The following CCKAR variants were observed in gnomAD, a reference collection of about 807,000 sequenced individuals.
CCKAR encodes cholecystokinin receptor type A.
A neutral mutation model predicts 29.8 loss-of-function variants in CCKAR; 21 were observed. That is an observed-to-expected ratio of 0.70 (90% confidence interval 0.50 to 1.01). The LOEUF is 1.01. Among genes scored for constraint, CCKAR ranks in the 50% least tolerant of loss-of-function variants. CCKAR has a pLI of 0.00. For missense variants in CCKAR, 570 were observed against 560.6 expected, an observed-to-expected ratio of 1.02 and a Z score of -0.17; for synonymous variants, 238 against 221.3, an observed-to-expected ratio of 1.08 and a Z score of -0.67.
intron 3 of CCKAR, among the ~76,000 whole-genome samples, chr4:26,485,206 A>G (rs1737425658): frequency 2.6e-5 from 4 of 151,568 alleles, no homozygotes; most frequent in Admixed American, 6.6e-5. Context: ...AAAAAAAAAA[A>G]AAAGAAAGAA....
intron 2 of CCKAR, among the ~76,000 whole-genome samples, chr4:26,487,830 A>G (rs760098075): frequency 1.1e-4 from 17 of 152,102 alleles, no homozygotes; most frequent in Non-Finnish European, 1.9e-4. Context: ...ACCATAAGAT[A>G]TATATGGATG....
chr4:26,482,207 G>A, intron 4 of CCKAR, 37 bp from the exon 5 acceptor site: 1 of 1,569,834 alleles, frequency 6.4e-7, no homozygotes, highest in Non-Finnish European at 8.7e-7. Context: ...TGCTGGGGAT[G>A]GGTCATGCCC....
At chr4:26,486,651 T>C (rs779251347) in intron 2 of CCKAR, among the ~76,000 whole-genome samples, 2 of 152,222 alleles carry the variant, frequency 1.3e-5, no homozygotes, top group Non-Finnish European at 2.9e-5. Context: ...CAGTGGCTGA[T>C]GCCTGTAATA....
intron 4 of CCKAR, 115 bp downstream of exon 4, chr4:26,483,041 A>C: frequency 9.8e-7 from 1 of 1,016,970 alleles, no homozygotes; most frequent in Non-Finnish European, 1.4e-6. Context: ...TCTCATAAGA[A>C]TACTTAAAAG....
chr4:26,486,367 A>C (rs2000978), intron 2 of CCKAR, among the ~76,000 whole-genome samples: 1 of 152,188 alleles, frequency 6.6e-6, no homozygotes, highest in Non-Finnish European at 1.5e-5. Flanking sequence ...AGCCGGAGGC[A>C]TGAAGGTTTT....
chr4:26,488,187 G>T (rs1040459467), intron 2 of CCKAR, among the ~76,000 whole-genome samples: 1 of 152,006 alleles, frequency 6.6e-6, no homozygotes, highest in African/African-American at 2.4e-5. Flanking sequence ...TCTCAGAAAG[G>T]GCAAGGGACT....
Position 26,485,658 on chromosome 4 carries a change from T to C in CCKAR, c.605A>G (p.Asn202Ser). The C allele has an allele frequency of 6.2e-7, 1 of 1,614,136 alleles. No homozygotes were observed. The highest frequency in any genetic ancestry group is 1.7e-5 in the Admixed American group (1 of 60,018). ...TTACCAGGACTGCTGCATAACATCA[T>C]TTGGCAGTAGAAAGCGGCACATATT... ...TANMCRFLLP[N>S]DVMQQSWHTF... The change falls in exon 3 of 5, where the codon AAT becomes AGT. Residue 202 changes from asparagine (N) to serine (S), a missense_variant. Coordinates refer to ENST00000295589, the MANE Select transcript of CCKAR (RefSeq NM_000730.3).
Position 26,481,989 on chromosome 4 carries a change from G to A in CCKAR, c.936C>T (p.Ile312=), listed in dbSNP as rs756448534. ...GGACCACGATGACGATGAGCATGCG[G>A]ATCACCCTTTTCTTGGCCATCAGGT... is the stretch of plus-strand genomic sequence containing the variant. The part of the protein sequence containing the change: ...AANLMAKKRV[I]RMLIVIVVLF... The change falls in exon 5 of 5, where the codon ATC becomes ATT. Residue 312 remains isoleucine, a synonymous_variant. Transcript: ENST00000295589. 2 of 1,614,242 alleles carry A rather than the reference G, an allele frequency of 1.2e-6. No homozygotes were observed.
intron 3 of CCKAR, 122 bp from the exon 4 acceptor site, chr4:26,483,405 T>A: frequency 1.2e-6 from 1 of 844,546 alleles, no homozygotes; most frequent in Non-Finnish European, 1.8e-6. Context: ...ATTACTAGTA[T>A]TTAATATCCT....
Position 26,481,988 on chromosome 4 carries a change from G to A in CCKAR, c.937C>T (p.Arg313Cys), listed in dbSNP as rs1737357981. Residue 313 changes from arginine to cysteine, a missense_variant, in exon 5 of 5, where the codon CGC becomes TGC. Transcript: ENST00000295589. Reference protein sequence around the residue: ...ANLMAKKRVIRMLIVIVVLFF... With the variant: ...ANLMAKKRVICMLIVIVVLFF... Reference sequence around the variant, plus strand: ...AGGACCACGATGACGATGAGCATGCGGATCACCCTTTTCTTGGCCATCAGG... The same window carrying A: ...AGGACCACGATGACGATGAGCATGCAGATCACCCTTTTCTTGGCCATCAGG... 6 of 1,614,118 alleles carry A rather than the reference G, an allele frequency of 3.7e-6. No homozygotes were observed. The highest frequency in any genetic ancestry group is 1.7e-5 in the Admixed American group (1 of 60,010).
chr4:26,490,482 A>G lies in CCKAR; in HGVS notation c.-215T>C. The G allele has an allele frequency of 2.0e-6, 1 of 502,018 alleles. No individual in the cohort carries two copies. Among genetic ancestry groups the G allele is most frequent in the Non-Finnish European group, 3.6e-6 (1 of 274,860 alleles). 31.1% of individuals were successfully genotyped at this position (502,018 alleles called of 1,614,324 possible). A position where few individuals can be genotyped will look rare whatever the true frequency, so the allele number is the denominator to read the frequency against. On this transcript the variant is annotated 5_prime_UTR_variant, in exon 1 of 5. Coordinates refer to ENST00000295589, the MANE Select transcript of CCKAR (RefSeq NM_000730.3). ...TTTGTACTCCTGTTGTGGAAAAGGC[A>G]GTGAGCACAAGCCAAGCCCGCTCCA...
At position 26,482,009 on chromosome 4, in the gene CCKAR, T is replaced by A. The variant is rs1216468189; in HGVS notation, c.916A>T (p.Met306Leu). Residue 306 changes from methionine to leucine, a missense_variant, in exon 5 of 5, where the codon ATG becomes TTG. Physicochemically the swap from Met to Leu is conservative, Grantham distance 15 (BLOSUM62 2). Coordinates refer to ENST00000295589, the MANE Select transcript of CCKAR (RefSeq NM_000730.3). ...ATGCGGATCACCCTTTTCTTGGCCA[T>A]CAGGTTGGCTGCGGAGCTGTTACTC... ...IRSNSSAANL[M>L]AKKRVIRMLI... is the part of the protein sequence containing the mutation. 1.2e-6 allele frequency: 2 copies of A among 1,614,212 alleles called. No individual in the cohort carries two copies. Among genetic ancestry groups the A allele is most frequent in the Admixed American group, 1.7e-5 (1 of 60,020 alleles).
In CCKAR at chr4:26,481,905, G is replaced by T. The variant is rs115316249; in HGVS notation, c.1020C>A (p.Thr340=). 1 of 1,614,228 alleles carries T rather than the reference G, an allele frequency of 6.2e-7. No homozygotes were observed. The change falls in exon 5 of 5, where the codon ACC becomes ACA. Residue 340 remains threonine (T), a synonymous_variant. Coordinates refer to ENST00000295589, the MANE Select transcript of CCKAR (RefSeq NM_000730.3). ...FSANAWRAYD[T]ASAERRLSGT... is the part of the protein sequence containing the mutation. ...CTGAGAGGCGGCGCTCTGCGGAGGC[G>T]GTGTCGTAGGCCCGCCAGGCGTTGG... is the stretch of plus-strand genomic sequence containing the variant.
chr4:26,482,104 G>T lies in CCKAR; in HGVS notation c.821C>A (p.Thr274Asn). 1 of 1,614,202 alleles carries T rather than the reference G, an allele frequency of 6.2e-7. No individual in the cohort carries two copies. The highest frequency in any genetic ancestry group is 8.5e-7 in the Non-Finnish European group (1 of 1,180,034). The change falls in exon 5 of 5, where the codon ACC becomes AAC. Residue 274 changes from threonine to asparagine, a missense_variant. By Grantham distance (65) the Thr-to-Asn change is moderately conservative. Coordinates refer to ENST00000295589, the MANE Select transcript of CCKAR (RefSeq NM_000730.3). ...EDSDGCYLQK[T>N]RPPRKLELRQ... ...GAGCTCCAGCTTCCTCGGGGGCCTG[G>T]TCTTTTGCAGGTAACACCCATCGCT...
At chr4:26,490,107 C>T in intron 1 of CCKAR, 49 bp downstream of exon 1, 3 of 1,243,538 alleles carry the variant, frequency 2.4e-6, no homozygotes, top group South Asian at 1.2e-5. Flanking sequence ...CTGATTTCTC[C>T]CACAACTCAA....
At chr4:26,482,846 A>G (rs1207652008) in intron 4 of CCKAR, among the ~76,000 whole-genome samples, 1 of 152,226 alleles carries the variant, frequency 6.6e-6, no homozygotes, top group Non-Finnish European at 1.5e-5. Context: ...AGCTCTGGTT[A>G]TGGAAAGGGG....
chr4:26,481,805 T>C lies in CCKAR; in HGVS notation c.1120A>G (p.Asn374Asp). 6.2e-7 allele frequency: 1 copy of C among 1,613,858 alleles called. No homozygotes were observed. The change falls in exon 5 of 5, where the codon AAC (asparagine) becomes GAC (aspartate). Residue 374 changes from asparagine (N) to aspartate (D), a missense_variant. Transcript: ENST00000295589. Reference protein sequence around the residue: ...CVNPIIYCFMNKRFRLGFMAT... With the variant: ...CVNPIIYCFMDKRFRLGFMAT... ...ATGAAGCCGAGGCGGAAGCGTTTGTTCATGAAGCAGTAGATGATGGGGTTG... is the reference window on the plus strand; with the variant it reads ...ATGAAGCCGAGGCGGAAGCGTTTGTCCATGAAGCAGTAGATGATGGGGTTG...
chr4:26,487,326 C>A (rs549344761), intron 2 of CCKAR, among the ~76,000 whole-genome samples: 53 of 152,202 alleles, frequency 3.5e-4, no homozygotes, highest in Middle Eastern at 3.4e-3. Context: ...GTCTATGACC[C>A]CCAAACCATT....
Position 26,481,861 on chromosome 4 carries a change from A to G in CCKAR, c.1064T>C (p.Ile355Thr). The G allele has an allele frequency of 6.2e-7, 1 of 1,614,042 alleles. No homozygotes were observed. The highest frequency in any genetic ancestry group is 8.5e-7 in the Non-Finnish European group (1 of 1,179,976). Residue 355 changes from isoleucine to threonine, a missense_variant, in exon 5 of 5, where the codon ATC (isoleucine) becomes ACC (threonine). Coordinates refer to ENST00000295589, the MANE Select transcript of CCKAR (RefSeq NM_000730.3). ...RRLSGTPISF[I>T]LLLSYTSSCV... ...GGAGGAGGTGTAGGACAGGAGGAGG[A>G]TGAAGGAAATGGGGGTTCCTGAGAG...
Sources: allele counts gnomAD v4.1 joint callset (sites outside exome capture counted in the v4.1 genomes callset), GRCh38; gene constraint gnomAD v4.1.1; transcripts MANE v1.5; gene names NCBI Gene and HGNC (gene_info 2026-07-23, HGNC 2026-07-21).